Variants in TEX35 observed in about 807,000 individuals in gnomAD.
TEX35 encodes the protein testis-expressed protein 35.
TEX35 carries 26 observed loss-of-function variants against 31.9 expected under a neutral mutation model. The ratio of observed to expected loss-of-function variants is 0.81; its 90% confidence interval spans 0.60 to 1.13. The LOEUF (loss-of-function observed/expected upper bound fraction) is 1.13, where lower values mean the gene tolerates loss of function less well. TEX35 is among the 50% of genes most tolerant of loss of function. The probability of loss-of-function intolerance (pLI) is 0.00; values close to 1 mark genes in which losing one functional copy is unlikely to be tolerated. For synonymous variants in TEX35, 87 were observed against 90.7 expected (o/e 0.96, Z 0.23); for missense variants, 278 against 273.5 (o/e 1.02, Z -0.12).
chr1:178,520,914 C>A lies in TEX35; in HGVS notation c.543+40C>A. ...GCCCGAGCCCAGCACTGGTGCCAGACCCCTGGCTCCGGCTCCCTGGTGACT... is the reference window on the plus strand; with the variant it reads ...GCCCGAGCCCAGCACTGGTGCCAGAACCCTGGCTCCGGCTCCCTGGTGACT... On this transcript the variant is annotated intron_variant, in intron 7 of 8. Transcript: ENST00000319416. The A allele has an allele frequency of 2.5e-6, 4 of 1,609,754 alleles. No individual in the cohort carries two copies. In the Admixed American group the frequency reaches 6.7e-5, roughly 27 times the overall value.
At chr1:178,521,353 A>G in intron 8 of TEX35, 89 bp downstream of exon 8, 1 of 1,443,948 alleles carries the variant, frequency 6.9e-7, no homozygotes, top group Non-Finnish European at 9.8e-7. Context: ...TTCACATCAC[A>G]CCCCTCCTGA....
chr1:178,516,049 T>C (rs1650064757), intron 4 of TEX35, 134 bp downstream of exon 4: 1 of 733,930 alleles, frequency 1.4e-6, no homozygotes, highest in Non-Finnish European at 2.3e-6. Flanking sequence ...CCCAGAGCAC[T>C]TCAGTATTAG....
chr1:178,518,562 AC>A (rs1408316924), intron 5 of TEX35, among the ~76,000 whole-genome samples: 16 of 152,312 alleles, frequency 1.1e-4, no homozygotes, highest in African/African-American at 2.9e-4. Flanking sequence ...TATAATAAGA[AC>A]TAAAAAAGCA....
chr1:178,521,055 C>A (rs753631780), intron 7 of TEX35, 167 bp from the exon 8 acceptor site: 108 of 1,553,400 alleles, frequency 7.0e-5, no homozygotes, highest in Non-Finnish European at 9.2e-5. Flanking sequence ...CCTGTGGAGC[C>A]TCCTTAGCTG....
At chr1:178,513,329 C>T in intron 1 of TEX35, 102 bp downstream of exon 1, 1 of 1,443,896 alleles carries the variant, frequency 6.9e-7, no homozygotes, top group South Asian at 1.2e-5. Flanking sequence ...GCATGAATCT[C>T]TGGTTTTTCT....
downstream of TEX35, chr1:178,523,152 T>C (rs1650343077): frequency 2.0e-6 from 1 of 509,550 alleles, no homozygotes; most frequent in South Asian, 2.6e-5. Context: ...TATGGCTGAA[T>C]AGAACTCAAT....
chr1:178,522,260 G>T, intron 8 of TEX35, 65 bp from the exon 9 acceptor site: 1 of 1,506,354 alleles, frequency 6.6e-7, no homozygotes, highest in Non-Finnish European at 8.9e-7. Context: ...TAGCTTTCTT[G>T]GGTTCTGGGG....
Position 178,514,746 on chromosome 1 carries a change from C to G in TEX35, c.137C>G (p.Ala46Gly), listed in dbSNP as rs759445880. 5.6e-6 allele frequency: 9 copies of G among 1,613,906 alleles called. No individual in the cohort carries two copies. Among genetic ancestry groups the G allele is most frequent in the Non-Finnish European group, 6.8e-6 (8 of 1,179,914 alleles). ...AVKQEGRFTKAGVTQDLKNEL... is the reference protein window; with the variant it reads ...AVKQEGRFTKGGVTQDLKNEL... ...AAACAAGAAGGGCGGTTTACCAAAGCAGGAGTGACACAGGACCTAAAGGTG... is the reference window on the plus strand; with the variant it reads ...AAACAAGAAGGGCGGTTTACCAAAGGAGGAGTGACACAGGACCTAAAGGTG... Residue 46 changes from alanine (A) to glycine (G), a missense_variant, in exon 3 of 9, where the codon GCA becomes GGA. Ala to Gly is a moderately conservative substitution (Grantham distance 60). Coordinates refer to ENST00000319416, the MANE Select transcript of TEX35 (RefSeq NM_032126.5).
chr1:178,521,053 G>T, intron 7 of TEX35, 169 bp from the exon 8 acceptor site: 2 of 1,550,156 alleles, frequency 1.3e-6, no homozygotes, highest in Non-Finnish European at 1.7e-6. Context: ...GGCCTGTGGA[G>T]CCTCCTTAGC....
chr1:178,516,126 G>T (rs781508265), intron 4 of TEX35, among the ~76,000 whole-genome samples: 28 of 152,216 alleles, frequency 1.8e-4, no homozygotes, highest in Non-Finnish European at 3.2e-4. Context: ...TCCCTAAAGT[G>T]TCTCTTTGGT....
intron 4 of TEX35, 89 bp downstream of exon 4, chr1:178,516,004 G>A: frequency 1.0e-6 from 1 of 995,416 alleles, no homozygotes; most frequent in Non-Finnish European, 1.6e-6. Context: ...AAGGAAAGCA[G>A]GAATTGCATG....
intron 1 of TEX35, among the ~76,000 whole-genome samples, 160 bp from the exon 2 acceptor site, chr1:178,513,867 C>T (rs542310663): frequency 8.5e-5 from 13 of 152,288 alleles, no homozygotes; most frequent in Admixed American, 1.3e-4. Context: ...GAATCGGATC[C>T]GGGTGCTGCG....
chr1:178,513,623 G>A (rs2101892354), intron 1 of TEX35, among the ~76,000 whole-genome samples: 1 of 152,368 alleles, frequency 6.6e-6, no homozygotes, highest in South Asian at 2.1e-4. Context: ...GCTCAGAGAG[G>A]CTAAGCAACT....
chr1:178,516,755 AG>A, intron 5 of TEX35, 81 bp downstream of exon 5: 1 of 930,744 alleles, frequency 1.1e-6, no homozygotes, highest in Non-Finnish European at 1.6e-6. Flanking sequence ...CCTGCCCTCC[AG>A]GAGCTTATTA....
At chr1:178,522,261 G>C (rs889416756) in intron 8 of TEX35, 64 bp from the exon 9 acceptor site, 17 of 1,508,444 alleles carry the variant, frequency 1.1e-5, no homozygotes, top group Non-Finnish European at 1.4e-5. Context: ...AGCTTTCTTG[G>C]GTTCTGGGGA....
chr1:178,518,316 T>C (rs1304829210), intron 5 of TEX35, among the ~76,000 whole-genome samples: 1 of 152,048 alleles, frequency 6.6e-6, no homozygotes, highest in Non-Finnish European at 1.5e-5. Flanking sequence ...ACAATAGATA[T>C]AAAAAAATCA....
chr1:178,520,237 C>T, intron 5 of TEX35, 135 bp from the exon 6 acceptor site: 1 of 834,968 alleles, frequency 1.2e-6, no homozygotes, highest in South Asian at 1.7e-5. Flanking sequence ...CACGGACACT[C>T]CAAAAGCCAC....
rs543277520 is a variant in TEX35, at chr1:178,514,862, A to G, written c.159+94A>G. 40 of 1,045,196 alleles carry G rather than the reference A, an allele frequency of 3.8e-5. No individual in the cohort carries two copies. The East Asian group carries it at 8.5e-4, about 22-fold the overall frequency. 64.7% of individuals were successfully genotyped at this position (1,045,196 alleles called of 1,614,324 possible). On this transcript the variant is annotated intron_variant, in intron 3 of 8. Transcript: ENST00000319416. ...CAGTGCCTGTTTCCTAAATACAAGAATATCCTCTTACATAGGCACAGTGCA... is the reference window on the plus strand; with the variant it reads ...CAGTGCCTGTTTCCTAAATACAAGAGTATCCTCTTACATAGGCACAGTGCA...
chr1:178,520,889 G>A lies in TEX35; in HGVS notation c.543+15G>A, dbSNP rs1373414818. 6.2e-7 allele frequency: 1 copy of A among 1,613,522 alleles called. No individual in the cohort carries two copies. The highest frequency in any genetic ancestry group is 2.2e-5 in the East Asian group (1 of 44,860). The stretch of plus-strand genomic sequence containing the variant: ...GGACCTGCTGCGTAAGTGAAACCCT[G>A]CCCGAGCCCAGCACTGGTGCCAGAC... On this transcript the variant is annotated intron_variant, in intron 7 of 8. Coordinates refer to ENST00000319416, the MANE Select transcript of TEX35 (RefSeq NM_032126.5).
Sources: gnomAD v4.1 joint callset for allele counts (sites outside exome capture counted in the v4.1 genomes callset) on GRCh38, gnomAD v4.1.1 for gene constraint, MANE v1.5 for transcripts, NCBI Gene and HGNC (gene_info 2026-07-23, HGNC 2026-07-21) for gene names.